The following TECR variants were observed in gnomAD, a reference collection of about 807,000 sequenced individuals.
TECR encodes very-long-chain enoyl-CoA reductase.
In TECR, 19 loss-of-function variants were observed where a neutral mutation model predicts 50.6. That is an observed-to-expected ratio of 0.38 (90% CI 0.26 to 0.55). The LOEUF is 0.55. Ranked by LOEUF, TECR falls within the 20% of genes least tolerant of loss-of-function variation. TECR has a pLI of 0.79. For synonymous variants in TECR, 168 were observed against 163.5 expected, an observed-to-expected ratio of 1.03 and a Z score of -0.21; for missense variants, 313 against 408.3, an observed-to-expected ratio of 0.77 and a Z score of 2.01.
intron 1 of TECR, among the ~76,000 whole-genome samples, chr19:14,554,205 C>G (rs925571795): frequency 6.6e-6 from 1 of 152,180 alleles, no homozygotes; most frequent in Non-Finnish European, 1.5e-5. Flanking sequence ...CCTGCTCCCT[C>G]CGGCTGCTGC....
At position 14,563,295 on chromosome 19, in the gene TECR, C is replaced by G. The variant is rs1475771316; in HGVS notation, c.118+38C>G. 6.4e-7 allele frequency: 1 copy of G among 1,573,114 alleles called. No individual in the cohort carries two copies. The highest frequency in any genetic ancestry group is 1.7e-5 in the Admixed American group (1 of 59,920). ...CCCGGCCACACTGCCCCTGCAACCC[C>G]TTTGACCAGGGACCTTAGGGTGGGA... On this transcript the variant is annotated intron_variant, in intron 3 of 12. Transcript: ENST00000215567. This position sits in a 1 kb window ranked among gnomAD's most constrained non-coding sequence, Gnocchi z 5.3.
intron 7 of TECR, 94 bp from the exon 8 acceptor site, chr19:14,564,692 C>T: frequency 7.2e-7 from 1 of 1,398,580 alleles, no homozygotes; most frequent in South Asian, 1.2e-5. Context: ...TGTCCTTTCC[C>T]ACCATGCTCC....
At chr19:14,561,476 G>A (rs1332105257) in intron 1 of TECR, among the ~76,000 whole-genome samples, 1 of 152,164 alleles carries the variant, frequency 6.6e-6, no homozygotes, top group East Asian at 1.9e-4. Context: ...ACTGGCCTGG[G>A]GGCTCAGGGA....
At chr19:14,548,791 T>G (rs1489883228) in intron 1 of TECR, among the ~76,000 whole-genome samples, 1 of 152,022 alleles carries the variant, frequency 6.6e-6, no homozygotes, top group Non-Finnish European at 1.5e-5. Context: ...GCCAGGCTGG[T>G]CTCAAACTCC....
chr19:14,542,347 GTTTTTTTT>G (rs71166754), intron 1 of TECR, among the ~76,000 whole-genome samples: 20 of 43,298 alleles, frequency 4.6e-4, no homozygotes, highest in African/African-American at 9.7e-4. Context: ...ATGCCATAGT[GTTTTTTTT>G]TTTTTTTTTT....
chr19:14,565,086 C>T lies in TECR; in HGVS notation c.627C>T (p.Phe209=), dbSNP rs1264753206. Residue 209 remains phenylalanine, a synonymous_variant, in exon 10 of 13, where the codon TTC becomes TTT. Coordinates refer to ENST00000215567, the MANE Select transcript of TECR (RefSeq NM_138501.6). Reference sequence around the variant, plus strand: ...GACAGATCTGCCAGCTCGGCAACTTCTCCATCCACATGGCCCTGCGGGACC... The same window carrying T: ...GACAGATCTGCCAGCTCGGCAACTTTTCCATCCACATGGCCCTGCGGGACC... ...AIFVICQLGN[F]SIHMALRDLR... is the part of the protein sequence containing the mutation. 1.9e-6 allele frequency: 3 copies of T among 1,613,810 alleles called. No individual in the cohort carries two copies. Among genetic ancestry groups the T allele is most frequent in the East Asian group, 2.2e-5 (1 of 44,894 alleles).
upstream of TECR, chr19:14,529,371 T>C (rs1378014787): frequency 1.2e-5 from 6 of 518,612 alleles, no homozygotes; most frequent in Admixed American, 6.4e-5. Context: ...GGCAGAGACC[T>C]CCTTTGGATT....
At chr19:14,554,318 C>A (rs1261353767) in intron 1 of TECR, among the ~76,000 whole-genome samples, 1 of 152,188 alleles carries the variant, frequency 6.6e-6, no homozygotes, top group African/African-American at 2.4e-5. Context: ...CAGGTCACGT[C>A]CTAGGACACA....
intron 1 of TECR, among the ~76,000 whole-genome samples, chr19:14,544,316 C>T (rs1402274949): frequency 6.6e-6 from 1 of 152,102 alleles, no homozygotes; most frequent in Non-Finnish European, 1.5e-5. Flanking sequence ...TCCCCTGTAA[C>T]CCCTGGCCCT....
chr19:14,564,615 A>G, intron 7 of TECR, 171 bp from the exon 8 acceptor site: 1 of 408,482 alleles, frequency 2.4e-6, no homozygotes, highest in Non-Finnish European at 4.3e-6. Context: ...ACGCCCTCAC[A>G]GAGCCCTGCC....
intron 1 of TECR, among the ~76,000 whole-genome samples, chr19:14,552,289 C>T (rs964107097): frequency 6.6e-6 from 1 of 151,356 alleles, no homozygotes; most frequent in African/African-American, 2.4e-5. Context: ...CCAGTCTGGC[C>T]TCCCAAACTG....
In TECR at chr19:14,563,477, G is replaced by C; in HGVS notation, c.119-181G>C. Reference sequence around the variant, plus strand: ...AGGACAAGATCCTGCTTCTGCCCGCGCTCTTCTGGCTTGTGTCCTGAAACC... The same window carrying C: ...AGGACAAGATCCTGCTTCTGCCCGCCCTCTTCTGGCTTGTGTCCTGAAACC... On this transcript the variant is annotated intron_variant, in intron 3 of 12. Coordinates refer to ENST00000215567, the MANE Select transcript of TECR (RefSeq NM_138501.6). This position sits in a 1 kb window ranked among gnomAD's most constrained non-coding sequence, Gnocchi z 5.3. 1.2e-6 allele frequency: 1 copy of C among 862,308 alleles called. No homozygotes were observed. The highest frequency in any genetic ancestry group is 1.8e-6 in the Non-Finnish European group (1 of 541,726). 53.4% of individuals were successfully genotyped at this position (862,308 alleles called of 1,614,324 possible). A position where few individuals can be genotyped will look rare whatever the true frequency, so the allele number is the denominator to read the frequency against.
chr19:14,562,057 A>G (rs2146629031), intron 1 of TECR: 1 of 350,040 alleles, frequency 2.9e-6, no homozygotes, highest in African/African-American at 2.1e-5. Context: ...TGAGGTGACC[A>G]CTCAAAAGCT....
In TECR at chr19:14,563,411, C is replaced by G. The variant is rs2073963825; in HGVS notation, c.118+154C>G. The G allele has an allele frequency of 1.2e-6, 1 of 857,130 alleles. No homozygotes were observed. The highest frequency in any genetic ancestry group is 1.9e-6 in the Non-Finnish European group (1 of 527,672). The allele number at this position is 857,130 out of a possible 1,614,324, so 53.1% of individuals were successfully genotyped here. A position where few individuals can be genotyped will look rare whatever the true frequency, so the allele number is the denominator to read the frequency against. On this transcript the variant is annotated intron_variant, in intron 3 of 12. Transcript: ENST00000215567. This position sits in a 1 kb window ranked among gnomAD's most constrained non-coding sequence, Gnocchi z 5.3. ...GGGGCGTGACTGGGGCAGGCGCCTCCACGTGGCACTCCGCAGGAACGCCCT... is the reference window on the plus strand; with the variant it reads ...GGGGCGTGACTGGGGCAGGCGCCTCGACGTGGCACTCCGCAGGAACGCCCT...
chr19:14,556,538 A>C lies in TECR; in HGVS notation c.16-5987A>C, dbSNP rs574106271. On this transcript the variant is annotated intron_variant, in intron 1 of 12. Transcript: ENST00000215567. ...CACCCCCTGCTTGCCCAGCACGCAC[A>C]GGCTAGAATTCAGGTCCCATGAACC... 2.6e-5 allele frequency among the ~76,000 whole-genome samples: 4 copies of C among 152,182 alleles called. No individual in the cohort carries two copies. In the East Asian group the frequency reaches 7.7e-4, roughly 29 times the overall value.
chr19:14,556,750 A>G (rs1479920921), intron 1 of TECR, among the ~76,000 whole-genome samples: 1 of 152,212 alleles, frequency 6.6e-6, no homozygotes, highest in African/African-American at 2.4e-5. Context: ...CGTCCCTGAC[A>G]TCGGCTTTGG....
At chr19:14,561,557 TA>T (rs1427635169) in intron 1 of TECR, among the ~76,000 whole-genome samples, 1 of 152,114 alleles carries the variant, frequency 6.6e-6, no homozygotes, top group Non-Finnish European at 1.5e-5. Context: ...CGCCGGGCTT[TA>T]GTGGGGCGCA....
rs565664769 is a variant in TECR, at chr19:14,545,264, G to A, written c.15+15553G>A. ...TAAAATTTACTCTGTTCCAGCCTCCGGGTGTCACCCGCTTCCCCAAAGCTC... is the reference window on the plus strand; with the variant it reads ...TAAAATTTACTCTGTTCCAGCCTCCAGGTGTCACCCGCTTCCCCAAAGCTC... On this transcript the variant is annotated intron_variant, in intron 1 of 12. Coordinates refer to ENST00000215567, the MANE Select transcript of TECR (RefSeq NM_138501.6). 113 of 453,866 alleles carry A rather than the reference G, an allele frequency of 2.5e-4. 1 individual carries two copies. The highest frequency in any genetic ancestry group is 1.7e-3 in the South Asian group (110 of 64,358). 28.1% of individuals were successfully genotyped at this position (453,866 alleles called of 1,614,324 possible).
At chr19:14,562,320 T>G in intron 1 of TECR, 1 of 655,340 alleles carries the variant, frequency 1.5e-6, no homozygotes, top group Non-Finnish European at 2.8e-6. Context: ...AGGTCGGTGG[T>G]GGGGGCTGAC....
Sources: gnomAD v4.1 joint callset for allele counts (sites outside exome capture counted in the v4.1 genomes callset) on GRCh38, gnomAD v4.1.1 for gene constraint, Gnocchi (gnomAD v3.1) non-coding constraint, MANE v1.5 for transcripts, NCBI Gene and HGNC (gene_info 2026-07-23, HGNC 2026-07-21) for gene names.